The following ADAMTS9 variants were observed in gnomAD, a reference collection of about 807,000 sequenced individuals.
ADAMTS9 encodes A disintegrin and metalloproteinase with thrombospondin motifs 9.
ADAMTS9 carries 107 observed loss-of-function variants against 257.1 expected under a neutral mutation model. That is an observed-to-expected ratio of 0.42 (90% CI 0.36 to 0.49). The LOEUF (loss-of-function observed/expected upper bound fraction) is 0.49. Among genes scored for constraint, ADAMTS9 ranks in the 20% least tolerant of loss-of-function variants. The pLI is 0.03. For missense variants in ADAMTS9, 2,353 were observed against 2,469.1 expected (o/e 0.95, Z 1.00); for synonymous variants, 982 against 880.9 (o/e 1.11, Z -2.03).
At position 64,687,814 on chromosome 3, in the gene ADAMTS9, G is replaced by T; in HGVS notation, c.-157C>A. 1.9e-6 allele frequency: 1 copy of T among 535,508 alleles called. No individual in the cohort carries two copies. Among genetic ancestry groups the T allele is most frequent in the Non-Finnish European group, 3.2e-6 (1 of 308,882 alleles). 33.2% of individuals were successfully genotyped at this position (535,508 alleles called of 1,614,324 possible). A position where few individuals can be genotyped will look rare whatever the true frequency, so the allele number is the denominator to read the frequency against. On this transcript the variant is annotated 5_prime_UTR_variant, in exon 1 of 40. Coordinates refer to ENST00000498707, the MANE Select transcript of ADAMTS9 (RefSeq NM_182920.2). This position sits in a 1 kb window ranked among gnomAD's most constrained non-coding sequence, Gnocchi z 4.4. The stretch of plus-strand genomic sequence containing the variant: ...GGAGTCGCTGAGGTCTCGCTGCGAG[G>T]GTCCCGTCTGCGCTCGGCTGAGCAA...
At chr3:64,568,300 G>A in intron 29 of ADAMTS9, 68 bp downstream of exon 29, 1 of 1,528,002 alleles carries the variant, frequency 6.5e-7, no homozygotes, top group Non-Finnish European at 8.8e-7. Context: ...AAACACAAGT[G>A]AACACACTGG....
chr3:64,620,298 C>A (rs777036030), intron 19 of ADAMTS9, among the ~76,000 whole-genome samples: 51 of 152,104 alleles, frequency 3.4e-4, no homozygotes, highest in Non-Finnish European at 5.3e-4. Context: ...CAGCCAATAC[C>A]CTTTGATAGG....
At chr3:64,597,984 G>A (rs146837931) in intron 26 of ADAMTS9, among the ~76,000 whole-genome samples, 444 of 152,240 alleles carry the variant, frequency 2.9e-3, no homozygotes, top group Middle Eastern at 0.014. Context: ...CTAGCTAATC[G>A]TAGCTCATAT....
Position 64,654,619 on chromosome 3 carries a change from G to C in ADAMTS9, c.1170-7C>G. On this transcript the variant is annotated splice_polypyrimidine_tract_variant and splice_region_variant and intron_variant, in intron 6 of 39. Coordinates refer to ENST00000498707, the MANE Select transcript of ADAMTS9 (RefSeq NM_182920.2). ...AGCTCTGCAGATATCCTGTCTGAAA[G>C]CAAAGCAGACTTAGGCCTTGATGAC... The C allele has an allele frequency of 1.9e-6, 3 of 1,614,120 alleles. No individual in the cohort carries two copies. Among genetic ancestry groups the C allele is most frequent in the Non-Finnish European group, 2.5e-6 (3 of 1,179,992 alleles).
rs1393955378 is a variant in ADAMTS9 at position 64,622,435 on chromosome 3, T to C, written c.2541A>G (p.Gln847=). 3.7e-6 allele frequency: 6 copies of C among 1,613,884 alleles called. No homozygotes were observed. The highest frequency in any genetic ancestry group is 5.1e-6 in the Non-Finnish European group (6 of 1,179,968). Residue 847 remains glutamine, a synonymous_variant, in exon 17 of 40, where the codon CAA becomes CAG. Coordinates refer to ENST00000498707, the MANE Select transcript of ADAMTS9 (RefSeq NM_182920.2). ...AAGTTTTTACCTGAAGCAAAAGTTC[T>C]TGCTCAATGCGATCTGTTGAGTTAA... ...ERINSTDRIE[Q]ELLLQVLSVG... is the part of the protein sequence containing the mutation.
Position 64,518,763 on chromosome 3 carries a change from C to CTT in ADAMTS9, c.*6-1643_*6-1642insAA, listed in dbSNP as rs1491154708. 2.0e-3 allele frequency among the ~76,000 whole-genome samples: 179 copies of CTT among 88,696 alleles called. 6 individuals are homozygous for CTT. Among genetic ancestry groups the CTT allele is most frequent in the East Asian group, 0.013 (32 of 2,532 alleles). 58.2% of individuals were successfully genotyped at this position (88,696 alleles called of 152,430 possible). Reference sequence around the variant, plus strand: ...CCGAGGGAATTTATCATTACCTTTTCATTTTTTTTTTTTTTTTTTTTTTTT... The same window carrying CTT: ...CCGAGGGAATTTATCATTACCTTTTCTTATTTTTTTTTTTTTTTTTTTTTTTT... On this transcript the variant is annotated intron_variant, in intron 39 of 39. Coordinates refer to ENST00000498707, the MANE Select transcript of ADAMTS9 (RefSeq NM_182920.2).
chr3:64,622,490 T>C lies in ADAMTS9; in HGVS notation c.2486A>G (p.Tyr829Cys). 1.9e-6 allele frequency: 3 copies of C among 1,614,168 alleles called. No individual in the cohort carries two copies. The highest frequency in any genetic ancestry group is 2.5e-6 in the Non-Finnish European group (3 of 1,180,002). The change falls in exon 17 of 40, where the codon TAC (tyrosine) becomes TGC (cysteine). Residue 829 changes from tyrosine to cysteine, a missense_variant. Physicochemically the swap from Tyr to Cys is radical, Grantham distance 194 (BLOSUM62 -2). Transcript: ENST00000498707. ...EIRIGNAVVEYSGSETAVERI... is the reference protein window; with the variant it reads ...EIRIGNAVVECSGSETAVERI... Reference sequence around the variant, plus strand: ...TTCTACGGCAGTCTCGGACCCACTGTACTCTACCACAGCATTCCCAATGCG... The same window carrying C: ...TTCTACGGCAGTCTCGGACCCACTGCACTCTACCACAGCATTCCCAATGCG...
chr3:64,543,229 T>C (rs2083151204), intron 32 of ADAMTS9, among the ~76,000 whole-genome samples: 1 of 152,068 alleles, frequency 6.6e-6, no homozygotes, highest in East Asian at 1.9e-4. Context: ...ACTATTCCAA[T>C]CAATAGAAAA....
intron 9 of ADAMTS9, chr3:64,649,983 A>C: frequency 1.8e-6 from 1 of 558,696 alleles, no homozygotes; most frequent in South Asian, 2.7e-5. Context: ...CATGCAATGA[A>C]TACAACATAG....
At position 64,622,658 on chromosome 3, in the gene ADAMTS9, T is replaced by A. The variant is rs1176575008; in HGVS notation, c.2390-72A>T. The A allele has an allele frequency of 1.4e-5, 22 of 1,531,192 alleles. No homozygotes were observed. In the East Asian group the frequency reaches 4.3e-4, roughly 30 times the overall value. 94.9% of individuals were successfully genotyped at this position (1,531,192 alleles called of 1,614,324 possible). On this transcript the variant is annotated intron_variant, in intron 16 of 39. Coordinates refer to ENST00000498707, the MANE Select transcript of ADAMTS9 (RefSeq NM_182920.2). ...TAGCTGTTTGAAATATGAAGTAACA[T>A]CTGGATAGGTAGAGAGTCGCTGTGC...
intron 3 of ADAMTS9, among the ~76,000 whole-genome samples, chr3:64,664,870 C>T (rs1180203961): frequency 6.6e-6 from 1 of 152,158 alleles, no homozygotes; most frequent in African/African-American, 2.4e-5. Context: ...AGTGGTTACA[C>T]CATTTTCTTG....
At chr3:64,550,295 C>T (rs2083255162) in intron 31 of ADAMTS9, 1 of 152,294 alleles carries the variant, frequency 6.6e-6, no homozygotes, top group Admixed American at 6.5e-5. Flanking sequence ...ACAGGCACAA[C>T]ACATCTGGTT....
At chr3:64,555,726 G>C (rs968672942) in intron 30 of ADAMTS9, among the ~76,000 whole-genome samples, 19 of 152,190 alleles carry the variant, frequency 1.2e-4, no homozygotes, top group Non-Finnish European at 4.4e-5. Flanking sequence ...AATGATGGAG[G>C]ACATCAGTTC....
chr3:64,679,304 G>C (rs1235216738), intron 3 of ADAMTS9, among the ~76,000 whole-genome samples: 1 of 152,012 alleles, frequency 6.6e-6, no homozygotes, highest in Non-Finnish European at 1.5e-5. Context: ...TTTCCACACA[G>C]ACTCCTGCAC....
intron 11 of ADAMTS9, among the ~76,000 whole-genome samples, chr3:64,644,964 C>T (rs1700749276): frequency 1.3e-5 from 2 of 152,078 alleles, no homozygotes; most frequent in African/African-American, 4.8e-5. Flanking sequence ...AAATATTTCT[C>T]AGTAATATGA....
chr3:64,576,128 C>T (rs2083839916), intron 28 of ADAMTS9, among the ~76,000 whole-genome samples: 2 of 152,166 alleles, frequency 1.3e-5, no homozygotes, highest in African/African-American at 4.8e-5. Context: ...GAGACTATTA[C>T]TTACCAGTAT....
intron 30 of ADAMTS9, among the ~76,000 whole-genome samples, chr3:64,554,448 A>G (rs2083306234): frequency 6.6e-6 from 1 of 152,222 alleles, no homozygotes; most frequent in Admixed American, 6.5e-5. Flanking sequence ...CTGGGTAATC[A>G]GAAAACAAAT....
chr3:64,633,920 T>C (rs745912971), intron 12 of ADAMTS9, 41 bp from the exon 13 acceptor site: 2 of 1,537,292 alleles, frequency 1.3e-6, no homozygotes, highest in African/African-American at 1.4e-5. Context: ...CACTGTATTA[T>C]CATGTATTCC....
chr3:64,523,644 A>C (rs2082877613), intron 38 of ADAMTS9, among the ~76,000 whole-genome samples: 1 of 152,196 alleles, frequency 6.6e-6, no homozygotes, highest in African/African-American at 2.4e-5. Flanking sequence ...ATTCATTTGC[A>C]GGTACTTTGT....
Sources: allele counts gnomAD v4.1 joint callset (sites outside exome capture counted in the v4.1 genomes callset), GRCh38; gene constraint gnomAD v4.1.1; non-coding constraint Gnocchi (gnomAD v3.1); transcripts MANE v1.5; gene names NCBI Gene and HGNC (gene_info 2026-07-23, HGNC 2026-07-21).